EVA1A: variants seen among roughly 807,000 people sequenced by gnomAD.
The protein encoded by EVA1A is eva-1 homolog A, regulator of programmed cell death, also known as protein eva-1 homolog A.
Under a neutral mutation model 9.8 loss-of-function variants are expected in EVA1A, and 7 were observed. The ratio of observed to expected loss-of-function variants is 0.71; its 90% CI spans 0.41 to 1.34. The LOEUF is 1.34. Among genes scored for constraint, EVA1A ranks in the 40% most tolerant of loss-of-function variants. EVA1A has a pLI of 0.01. For synonymous variants in EVA1A, 90 were observed against 85.6 expected (o/e 1.05, Z -0.28); for missense variants, 206 against 205.9 (o/e 1.00, Z 0.00).
At chr2:75,523,525 C>A (rs956506467) in intron 1 of EVA1A, among the ~76,000 whole-genome samples, 14 of 152,138 alleles carry the variant, frequency 9.2e-5, no homozygotes, top group African/African-American at 3.1e-4. Flanking sequence ...AGAGAAACCC[C>A]GATTTTCTTT....
intron 3 of EVA1A, among the ~76,000 whole-genome samples, chr2:75,507,958 C>A (rs1674676545): frequency 6.6e-6 from 1 of 152,280 alleles, no homozygotes; most frequent in African/African-American, 2.4e-5. Flanking sequence ...TTTATTAGTT[C>A]CCCAAATTAA....
chr2:75,562,056 T>C (rs370439367), upstream of EVA1A, among the ~76,000 whole-genome samples: 1 of 152,288 alleles, frequency 6.6e-6, no homozygotes, highest in East Asian at 1.9e-4. Flanking sequence ...GGAAGCTTTA[T>C]GGAAATGAAA....
At chr2:75,561,621 G>T (rs959627792), upstream of EVA1A, among the ~76,000 whole-genome samples, 1 of 152,162 alleles carries the variant, frequency 6.6e-6, no homozygotes, top group Non-Finnish European at 1.5e-5. Flanking sequence ...GGGGAAGAGT[G>T]CAGGGAGAGA....
chr2:75,566,223 C>T (rs766373155), intron 1 of EVA1A, among the ~76,000 whole-genome samples: 2 of 152,210 alleles, frequency 1.3e-5, no homozygotes, highest in Non-Finnish European at 2.9e-5. Flanking sequence ...ATAGTCCAAC[C>T]TTTTGCCAAA....
chr2:75,518,032 G>A (rs746174348), intron 3 of EVA1A, 24 bp downstream of exon 3: 10 of 1,613,274 alleles, frequency 6.2e-6, no homozygotes, highest in Middle Eastern at 1.6e-4. Context: ...CTCAGTCCTG[G>A]CCCAGTGGAA....
At chr2:75,549,276 T>A (rs574315098) in intron 1 of EVA1A, among the ~76,000 whole-genome samples, 1 of 152,078 alleles carries the variant, frequency 6.6e-6, no homozygotes, top group Admixed American at 6.5e-5. Flanking sequence ...CCCTGTGGAA[T>A]AGGAATAAAG....
intron 1 of EVA1A, among the ~76,000 whole-genome samples, chr2:75,528,143 G>A (rs1364691230): frequency 6.6e-6 from 1 of 152,220 alleles, no homozygotes; most frequent in South Asian, 2.1e-4. Flanking sequence ...ATCTCACAGG[G>A]TTCCTAGGGG....
At chr2:75,553,390 A>G (rs1245695292) in intron 1 of EVA1A, among the ~76,000 whole-genome samples, 1 of 152,242 alleles carries the variant, frequency 6.6e-6, no homozygotes, top group African/African-American at 2.4e-5. Context: ...TCAACAAGAC[A>G]TATGTCCTGA....
At chr2:75,511,395 A>G (rs1219683427) in intron 3 of EVA1A, among the ~76,000 whole-genome samples, 1 of 152,180 alleles carries the variant, frequency 6.6e-6, no homozygotes, top group Non-Finnish European at 1.5e-5. Flanking sequence ...ACATAAGTAA[A>G]GAACCGGTTA....
intron 3 of EVA1A, among the ~76,000 whole-genome samples, chr2:75,506,634 C>A (rs548854354): frequency 6.6e-6 from 1 of 152,140 alleles, no homozygotes; most frequent in Non-Finnish European, 1.5e-5. Context: ...GGAGGATGCA[C>A]AAAAGCAGAA....
chr2:75,525,115 T>C (rs1054552612), intron 1 of EVA1A, among the ~76,000 whole-genome samples: 1 of 152,130 alleles, frequency 6.6e-6, no homozygotes, highest in African/African-American at 2.4e-5. Context: ...ACAATGTATA[T>C]ATGTATGTAT....
At chr2:75,568,760 TC>T (rs1451555445) in intron 1 of EVA1A, among the ~76,000 whole-genome samples, 3 of 152,244 alleles carry the variant, frequency 2.0e-5, no homozygotes, top group Non-Finnish European at 4.4e-5. Flanking sequence ...GGCCTCCAGC[TC>T]CATTCACATT....
intron 1 of EVA1A, among the ~76,000 whole-genome samples, chr2:75,548,979 G>GAAAA (rs150555298): frequency 0.014 from 1,799 of 129,938 alleles, 29 homozygotes; most frequent in African/African-American, 0.044. Flanking sequence ...CTGGCTAAAT[G>GAAAA]AAAAATATAT....
chr2:75,537,658 C>A (rs1263882559), intron 1 of EVA1A, among the ~76,000 whole-genome samples: 1 of 152,152 alleles, frequency 6.6e-6, no homozygotes. Context: ...CAGGTGGGAC[C>A]TGGTGGGAGG....
At chr2:75,568,349 AT>A (rs750946352) in intron 1 of EVA1A, among the ~76,000 whole-genome samples, 7 of 149,908 alleles carry the variant, frequency 4.7e-5, no homozygotes, top group Non-Finnish European at 7.4e-5. Flanking sequence ...AAATTTAATA[AT>A]TAAAGGATAT....
At chr2:75,538,949 T>C (rs529659125) in intron 1 of EVA1A, among the ~76,000 whole-genome samples, 2 of 152,320 alleles carry the variant, frequency 1.3e-5, no homozygotes, top group South Asian at 4.1e-4. Flanking sequence ...AACATCCCGG[T>C]TGTGATATTG....
chr2:75,504,285 C>T (rs1204624870), intron 3 of EVA1A, among the ~76,000 whole-genome samples: 1 of 152,158 alleles, frequency 6.6e-6, no homozygotes, highest in African/African-American at 2.4e-5. Flanking sequence ...GTGGTGGGTG[C>T]CTGTAATCCC....
chr2:75,502,986 C>T (rs1674481939), intron 3 of EVA1A, among the ~76,000 whole-genome samples: 1 of 152,194 alleles, frequency 6.6e-6, no homozygotes, highest in Non-Finnish European at 1.5e-5. Flanking sequence ...TTCTGAACTC[C>T]ATCTTGGAAA....
At chr2:75,555,430 T>C (rs1259645905) in intron 1 of EVA1A, among the ~76,000 whole-genome samples, 1 of 151,822 alleles carries the variant, frequency 6.6e-6, no homozygotes, top group Non-Finnish European at 1.5e-5. Context: ...GACTTTTGGA[T>C]GCTCTAAAGG....
Sources: allele counts gnomAD v4.1 joint callset (sites outside exome capture counted in the v4.1 genomes callset), GRCh38; gene constraint gnomAD v4.1.1; transcripts MANE v1.5; gene names NCBI Gene and HGNC (gene_info 2026-07-23, HGNC 2026-07-21).